The following CCDC125 variants were observed in gnomAD, a reference collection of about 807,000 sequenced individuals.
The protein encoded by CCDC125 is coiled-coil domain-containing protein 125.
Under a neutral mutation model 57.4 loss-of-function variants are expected in CCDC125, and 43 were observed. The ratio of observed to expected loss-of-function variants is 0.75; its 90% CI spans 0.59 to 0.97. The LOEUF is 0.97. Ranked by LOEUF, CCDC125 falls within the 50% of genes least tolerant of loss-of-function variation. The pLI is 0.00. For synonymous variants in CCDC125, 187 were observed against 195.2 expected (o/e 0.96, Z 0.35); for missense variants, 563 against 595.7 (o/e 0.95, Z 0.57).
At chr5:69,320,822 T>C (rs942407569) in intron 1 of CCDC125, among the ~76,000 whole-genome samples, 12 of 152,052 alleles carry the variant, frequency 7.9e-5, no homozygotes, top group African/African-American at 2.9e-4. Context: ...TGTGCGTGTG[T>C]ACACAATGAA....
At chr5:69,318,807 G>A (rs1759556442) in intron 2 of CCDC125, among the ~76,000 whole-genome samples, 1 of 151,582 alleles carries the variant, frequency 6.6e-6, no homozygotes, top group Non-Finnish European at 1.5e-5. Flanking sequence ...GAAAAAAAAT[G>A]TCACCTCCTT....
chr5:69,292,950 C>CCTGCCT (rs1247927928), intron 9 of CCDC125, among the ~76,000 whole-genome samples: 3 of 151,262 alleles, frequency 2.0e-5, no homozygotes, highest in Non-Finnish European at 4.4e-5. Context: ...AAGCAATTCT[C>CCTGCCT]CTGCCTCTGC....
At chr5:69,324,168 G>A (rs1760439295) in intron 1 of CCDC125, among the ~76,000 whole-genome samples, 1 of 151,966 alleles carries the variant, frequency 6.6e-6, no homozygotes, top group Admixed American at 6.6e-5. Context: ...TCATTTTTAG[G>A]ATCAAAATGC....
rs143832565 is a variant in CCDC125 at position 69,311,184 on chromosome 5, A to C, written c.387T>G (p.Thr129=). Residue 129 remains threonine (T), a synonymous_variant, in exon 4 of 12, where the codon ACT becomes ACG. Transcript: ENST00000396496. ...ETLEEVEMLK[T]ELEASQRQLR... is the part of the protein sequence containing the mutation. Reference sequence around the variant, plus strand: ...GTTGTCTTTGAGATGCCTCAAGTTCAGTTTTTAACATTTCTACCTCCTGAG... The same window carrying C: ...GTTGTCTTTGAGATGCCTCAAGTTCCGTTTTTAACATTTCTACCTCCTGAG... 1 of 1,608,652 alleles carries C rather than the reference A, an allele frequency of 6.2e-7. No individual in the cohort carries two copies. Among genetic ancestry groups the C allele is most frequent in the Non-Finnish European group, 8.5e-7 (1 of 1,176,078 alleles).
intron 1 of CCDC125, among the ~76,000 whole-genome samples, chr5:69,326,730 T>C (rs903208730): frequency 6.6e-6 from 1 of 152,152 alleles, no homozygotes; most frequent in Admixed American, 6.6e-5. Flanking sequence ...GTTTTGTTTG[T>C]TTTTTATCCC....
intron 2 of CCDC125, among the ~76,000 whole-genome samples, chr5:69,316,213 T>G (rs1759074576): frequency 6.6e-6 from 1 of 152,212 alleles, no homozygotes; most frequent in African/African-American, 2.4e-5. Flanking sequence ...CAGAATATGA[T>G]GTCCACATGC....
rs376583974 is a variant in CCDC125 at position 69,320,218 on chromosome 5, G to A, written c.304+19C>T. The stretch of plus-strand genomic sequence containing the variant: ...CTATGCACAGGAGAAAGAAAGGAGA[G>A]GAAATTCAGCATTCTTACCAGTGCT... On this transcript the variant is annotated intron_variant, in intron 2 of 11. Transcript: ENST00000396496. 43 of 1,594,814 alleles carry A rather than the reference G, an allele frequency of 2.7e-5. No homozygotes were observed. Among genetic ancestry groups the A allele is most frequent in the African/African-American group, 2.7e-4 (20 of 74,180 alleles).
At chr5:69,313,282 C>A in intron 3 of CCDC125, 1 of 602,584 alleles carries the variant, frequency 1.7e-6, no homozygotes, top group South Asian at 1.9e-5. Flanking sequence ...TCCCCCAGCC[C>A]CTCCTATCTG....
In CCDC125 at chr5:69,282,414, T is replaced by C. The variant is rs1436248696; in HGVS notation, c.*315A>G. On this transcript the variant is annotated 3_prime_UTR_variant, in exon 12 of 12. Transcript: ENST00000396496. Reference sequence around the variant, plus strand: ...CCGTCTCTACTAAAAATACAAAAATTAGCTGGGCGTGGTGGCACATGCCTG... The same window carrying C: ...CCGTCTCTACTAAAAATACAAAAATCAGCTGGGCGTGGTGGCACATGCCTG... 3.4e-5 allele frequency: 7 copies of C among 205,266 alleles called. No individual in the cohort carries two copies. The highest frequency in any genetic ancestry group is 6.7e-5 in the Non-Finnish European group (7 of 103,824). 12.7% of individuals were successfully genotyped at this position (205,266 alleles called of 1,614,324 possible).
chr5:69,298,100 C>G (rs1348208138), intron 8 of CCDC125, among the ~76,000 whole-genome samples: 1 of 151,624 alleles, frequency 6.6e-6, no homozygotes, highest in Non-Finnish European at 1.5e-5. Context: ...ACTGCAACCT[C>G]TGCCTCCCGG....
downstream of CCDC125, among the ~76,000 whole-genome samples, chr5:69,279,779 T>A (rs746806321): frequency 1.4e-4 from 22 of 152,122 alleles, no homozygotes; most frequent in Non-Finnish European, 7.3e-5. Context: ...ACTCAAAATG[T>A]GTCTAACACG....
At chr5:69,273,417 T>C in the CCDC125 span, among the ~76,000 whole-genome samples, 1 of 152,184 alleles carries the variant, frequency 6.6e-6, no homozygotes, top group Non-Finnish European at 1.5e-5. Context: ...CTTGTAGCAA[T>C]GCTGAAAGTA....
intron 1 of CCDC125, among the ~76,000 whole-genome samples, chr5:69,321,679 C>T (rs1760043241): frequency 6.6e-6 from 1 of 152,168 alleles, no homozygotes; most frequent in Non-Finnish European, 1.5e-5. Flanking sequence ...TGTGGTCTGT[C>T]ATTGACTGAA....
Position 69,292,293 on chromosome 5 carries a change from G to T in CCDC125, c.994C>A (p.Gln332Lys). Residue 332 changes from glutamine to lysine, a missense_variant, in exon 10 of 12, where the codon CAA becomes AAA. By Grantham distance (53) the Gln-to-Lys change is moderately conservative. Coordinates refer to ENST00000396496, the MANE Select transcript of CCDC125 (RefSeq NM_176816.5). Reference protein sequence around the residue: ...MADAFRIAFEQQLMRKNDQAL... With the variant: ...MADAFRIAFEKQLMRKNDQAL... The stretch of plus-strand genomic sequence containing the variant: ...TGGTCATTTTTTCTCATTAATTGTT[G>T]CTCAAATGCAATTCTGAAAGCATCT... 1 of 1,613,048 alleles carries T rather than the reference G, an allele frequency of 6.2e-7. No homozygotes were observed.
intron 9 of CCDC125, 118 bp downstream of exon 9, chr5:69,294,675 C>T: frequency 2.6e-6 from 2 of 776,886 alleles, no homozygotes; most frequent in African/African-American, 1.8e-5. Context: ...AAAAACTAAG[C>T]ATAAGTTCCA....
chr5:69,312,521 C>T (rs1022887514), intron 3 of CCDC125, among the ~76,000 whole-genome samples: 10 of 152,154 alleles, frequency 6.6e-5, no homozygotes, highest in African/African-American at 2.4e-4. Context: ...CAGTGGGCTA[C>T]TCAGGCCACC....
At chr5:69,288,052 T>C (rs1029889267) in intron 10 of CCDC125, among the ~76,000 whole-genome samples, 1 of 152,182 alleles carries the variant, frequency 6.6e-6, no homozygotes, top group South Asian at 2.1e-4. Context: ...GTTCCTGACA[T>C]AGAGCTCCTA....
At position 69,288,713 on chromosome 5, in the gene CCDC125, G is replaced by A. The variant is rs1753907463; in HGVS notation, c.1100-3246C>T. ...TGTACATACAGCCAGTCAGTCAGGA[G>A]CAGCAGAGACAACTCTGTGCTTTTG... On this transcript the variant is annotated intron_variant, in intron 10 of 11. Transcript: ENST00000396496. Among the ~76,000 whole-genome samples, 3 of 152,376 alleles carry A rather than the reference G, an allele frequency of 2.0e-5. No homozygotes were observed. The South Asian group carries it at 6.2e-4, about 32-fold the overall frequency.
At chr5:69,330,635 C>G (rs1761304277) in intron 1 of CCDC125, among the ~76,000 whole-genome samples, 1 of 152,012 alleles carries the variant, frequency 6.6e-6, no homozygotes, top group African/African-American at 2.4e-5. Flanking sequence ...CATTCCAGGT[C>G]TCCCTCTGAG....
Sources: gnomAD v4.1 joint callset for allele counts (sites outside exome capture counted in the v4.1 genomes callset) on GRCh38, gnomAD v4.1.1 for gene constraint, MANE v1.5 for transcripts, NCBI Gene and HGNC (gene_info 2026-07-23, HGNC 2026-07-21) for gene names.